Variants in VSIG8 observed in about 807,000 individuals in gnomAD.
VSIG8 encodes the protein V-set and immunoglobulin domain containing 8.
Under a neutral mutation model 42.6 loss-of-function variants are expected in VSIG8, and 32 were observed. The observed-to-expected ratio is 0.75, with a 90% confidence interval of 0.57 to 1.01. The LOEUF (loss-of-function observed/expected upper bound fraction) is 1.01, where lower values mean the gene tolerates loss of function less well. Among genes scored for constraint, VSIG8 ranks in the 50% least tolerant of loss-of-function variants. The pLI, the probability that VSIG8 is intolerant of heterozygous loss-of-function variation, is 0.00. For missense variants in VSIG8, 529 were observed against 558.0 expected (o/e 0.95, Z 0.52); for synonymous variants, 290 against 243.8 (o/e 1.19, Z -1.77).
At chr1:159,857,489 C>T (rs933805330) in intron 4 of VSIG8, among the ~76,000 whole-genome samples, 27 of 150,882 alleles carry the variant, frequency 1.8e-4, no homozygotes, top group Non-Finnish European at 4.0e-4. Flanking sequence ...GCAGGAGAAT[C>T]GCTTGAACCC....
chr1:159,856,124 G>T, intron 5 of VSIG8, 43 bp from the exon 6 acceptor site: 1 of 1,580,026 alleles, frequency 6.3e-7, no homozygotes, highest in Non-Finnish European at 8.6e-7. Context: ...CTCACAGCCT[G>T]GCAGGTGCCT....
chr1:159,857,662 G>C, intron 4 of VSIG8, 83 bp downstream of exon 4: 2 of 1,172,222 alleles, frequency 1.7e-6, no homozygotes, highest in African/African-American at 1.5e-5. Flanking sequence ...TGATGGCACT[G>C]ATAACCCAAG....
At chr1:159,859,108 A>T (rs1032236798) in intron 1 of VSIG8, among the ~76,000 whole-genome samples, 196 bp from the exon 2 acceptor site, 1 of 152,156 alleles carries the variant, frequency 6.6e-6, no homozygotes, top group Non-Finnish European at 1.5e-5. Flanking sequence ...ACAGCTATAC[A>T]TATAGCTGTT....
At chr1:159,859,809 C>T (rs1004681965) in intron 1 of VSIG8, among the ~76,000 whole-genome samples, 3 of 152,186 alleles carry the variant, frequency 2.0e-5, no homozygotes, top group African/African-American at 7.2e-5. Flanking sequence ...CACAAGCTGG[C>T]TTCCAGTGAG....
At chr1:159,856,187 A>G in intron 5 of VSIG8, 106 bp from the exon 6 acceptor site, 1 of 1,165,760 alleles carries the variant, frequency 8.6e-7, no homozygotes, top group Non-Finnish European at 1.2e-6. Context: ...AAAGAGGGAG[A>G]GGGACCCAGG....
intron 1 of VSIG8, chr1:159,860,580 A>G (rs961991235): frequency 3.3e-5 from 5 of 152,260 alleles, no homozygotes; most frequent in Non-Finnish European, 5.9e-5. Flanking sequence ...GCTAGACTCC[A>G]AGGTGACCCA....
intron 4 of VSIG8, among the ~76,000 whole-genome samples, chr1:159,856,997 A>G (rs1350634718): frequency 6.6e-6 from 1 of 152,268 alleles, no homozygotes; most frequent in Admixed American, 6.5e-5. Context: ...TAGCTCTATT[A>G]TTCTTTGTTT....
rs1011459169 is a variant in VSIG8, at chr1:159,855,761, C to T, written c.971+122G>A. The T allele has an allele frequency of 1.4e-5, 20 of 1,411,812 alleles. No homozygotes were observed. In the African/African-American group the frequency reaches 3.0e-4, roughly 21 times the overall value. The allele number at this position is 1,411,812 out of a possible 1,614,324, so 87.5% of individuals were successfully genotyped here. ...GTCGACATGCCGCAGTCCCAGCACT[C>T]CGTGGCGATGGCGGGCAGGGTTGGG... On this transcript the variant is annotated intron_variant, in intron 6 of 6. Coordinates refer to ENST00000368100, the MANE Select transcript of VSIG8 (RefSeq NM_001013661.1).
At position 159,855,934 on chromosome 1, in the gene VSIG8, T is replaced by A; in HGVS notation, c.920A>T (p.Asn307Ile). The change falls in exon 6 of 7, where the codon AAC becomes ATC. Residue 307 changes from asparagine (N) to isoleucine (I), a missense_variant. Coordinates refer to ENST00000368100, the MANE Select transcript of VSIG8 (RefSeq NM_001013661.1). Reference sequence around the variant, plus strand: ...GGCCCCTCCGCCGACCCCGCCGCCGTTGCCGTAGCCGAAGGCACCGCGGGC... The same window carrying A: ...GGCCCCTCCGCCGACCCCGCCGCCGATGCCGTAGCCGAAGGCACCGCGGGC... ...GGARGAFGYGNGGGVGGGACG... is the reference protein window; with the variant it reads ...GGARGAFGYGIGGGVGGGACG... 1 of 1,570,842 alleles carries A rather than the reference T, an allele frequency of 6.4e-7. No homozygotes were observed. The highest frequency in any genetic ancestry group is 8.6e-7 in the Non-Finnish European group (1 of 1,158,826).
intron 1 of VSIG8, among the ~76,000 whole-genome samples, chr1:159,860,132 G>A (rs1648974908): frequency 6.6e-6 from 1 of 152,170 alleles, no homozygotes. Context: ...CCAGGTCTCA[G>A]CAATCATTCT....
chr1:159,862,322 T>C, intron 1 of VSIG8, 151 bp downstream of exon 1: 1 of 727,546 alleles, frequency 1.4e-6, no homozygotes, highest in Non-Finnish European at 2.2e-6. Context: ...GGTCCCCTGG[T>C]AATACCCACA....
chr1:159,855,322 C>T (rs1648779956), intron 6 of VSIG8: 3 of 1,507,692 alleles, frequency 2.0e-6, no homozygotes, highest in African/African-American at 1.4e-5. Context: ...TCTGATGTTT[C>T]GCAGGCCCAG....
chr1:159,859,578 T>C (rs761343984), intron 1 of VSIG8, among the ~76,000 whole-genome samples: 2 of 152,132 alleles, frequency 1.3e-5, no homozygotes, highest in Admixed American at 6.5e-5. Context: ...CCATGTGAGC[T>C]ATGTAAGTGC....
At chr1:159,858,418 ATG>A in intron 2 of VSIG8, 127 bp from the exon 3 acceptor site, 1 of 975,802 alleles carries the variant, frequency 1.0e-6, no homozygotes, top group East Asian at 2.6e-5. Flanking sequence ...AATGAGAATA[ATG>A]ATGCCTGAGC....
At chr1:159,855,301 T>C (rs1648779850) in intron 6 of VSIG8, 3 of 1,533,728 alleles carry the variant, frequency 2.0e-6, no homozygotes, top group Non-Finnish European at 2.6e-6. Flanking sequence ...TCCAGGCCCC[T>C]GCAATCCCTT....
chr1:159,857,517 G>C (rs1648872507), intron 4 of VSIG8, among the ~76,000 whole-genome samples: 1 of 150,416 alleles, frequency 6.6e-6, no homozygotes, highest in Admixed American at 6.7e-5. Context: ...AGAGGTTGCA[G>C]TGAGCCGAGA....
At chr1:159,855,321 T>C in intron 6 of VSIG8, 1 of 1,509,112 alleles carries the variant, frequency 6.6e-7, no homozygotes, top group Middle Eastern at 1.7e-4. Context: ...TTCTGATGTT[T>C]CGCAGGCCCA....
chr1:159,859,529 G>C lies in VSIG8; in HGVS notation c.50-617C>G, dbSNP rs148508261. On this transcript the variant is annotated intron_variant, in intron 1 of 6. Transcript: ENST00000368100. Reference sequence around the variant, plus strand: ...CTGTGTATGACAGTGTGAGTCTGTGGCTGTATGCCTCTGTGTGGTTTTGTA... The same window carrying C: ...CTGTGTATGACAGTGTGAGTCTGTGCCTGTATGCCTCTGTGTGGTTTTGTA... 7.0e-3 allele frequency among the ~76,000 whole-genome samples: 1,064 copies of C among 152,288 alleles called. 20 individuals carry two copies. The highest frequency in any genetic ancestry group is 0.025 in the African/African-American group (1,018 of 41,550).
intron 1 of VSIG8, chr1:159,860,627 C>G (rs1648989711): frequency 6.6e-6 from 1 of 152,302 alleles, no homozygotes; most frequent in Non-Finnish European, 1.5e-5. Context: ...CTAACGGGAC[C>G]TAGTGATGCC....
Sources: allele counts gnomAD v4.1 joint callset (sites outside exome capture counted in the v4.1 genomes callset), GRCh38; gene constraint gnomAD v4.1.1; transcripts MANE v1.5; gene names NCBI Gene and HGNC (gene_info 2026-07-23, HGNC 2026-07-21).